ITPR2: variants seen among roughly 807,000 people sequenced by gnomAD.
ITPR2 encodes the protein inositol 1,4,5-trisphosphate-gated calcium channel ITPR2.
ITPR2 carries 207 observed loss-of-function variants against 317.1 expected under a neutral mutation model. The ratio of observed to expected loss-of-function variants is 0.65; its 90% CI spans 0.58 to 0.73. ITPR2 has a LOEUF of 0.73. Among genes scored for constraint, ITPR2 ranks in the 30% least tolerant of loss-of-function variants. The probability of loss-of-function intolerance (pLI) is 0.00; values close to 1 mark genes in which losing one functional copy is unlikely to be tolerated. For synonymous variants in ITPR2, 1,156 were observed against 1,149.1 expected (o/e 1.01, Z -0.12); for missense variants, 2,613 against 3,284.0 (o/e 0.80, Z 4.99).
intron 37 of ITPR2, among the ~76,000 whole-genome samples, chr12:26,529,692 GT>G (rs1290764452): frequency 1.3e-5 from 2 of 152,152 alleles, no homozygotes; most frequent in Non-Finnish European, 2.9e-5. Context: ...CTAAACTTCA[GT>G]TTTTCCATCT....
intron 1 of ITPR2, among the ~76,000 whole-genome samples, chr12:26,791,098 A>G (rs1950332384): frequency 6.6e-6 from 1 of 152,202 alleles, no homozygotes; most frequent in African/African-American, 2.4e-5. Flanking sequence ...CTACAACAAC[A>G]TGTTTAATCT....
chr12:26,514,105 T>A (rs567481909), intron 37 of ITPR2, among the ~76,000 whole-genome samples: 1 of 152,358 alleles, frequency 6.6e-6, no homozygotes, highest in Admixed American at 6.5e-5. Context: ...TCTTATTTTT[T>A]AATATTTTAT....
intron 2 of ITPR2, among the ~76,000 whole-genome samples, chr12:26,726,964 A>G (rs1357600656): frequency 1.3e-5 from 2 of 152,160 alleles, no homozygotes; most frequent in African/African-American, 4.8e-5. Context: ...TAGTAAACTA[A>G]TCTTAATTTC....
At chr12:26,561,720 A>T in intron 35 of ITPR2, 42 bp downstream of exon 35, 1 of 1,396,764 alleles carries the variant, frequency 7.2e-7, no homozygotes, top group Non-Finnish European at 9.5e-7. Flanking sequence ...TTTAAAAAAT[A>T]TAATTTAGAA....
At chr12:26,656,616 AT>A in intron 18 of ITPR2, 68 bp from the exon 19 acceptor site, 1 of 1,503,540 alleles carries the variant, frequency 6.7e-7, no homozygotes, top group Non-Finnish European at 9.1e-7. Context: ...CATAGTACCA[AT>A]CAGTATCTAT....
chr12:26,686,930 A>G (rs1948138388), intron 10 of ITPR2, among the ~76,000 whole-genome samples: 1 of 152,184 alleles, frequency 6.6e-6, no homozygotes, highest in Non-Finnish European at 1.5e-5. Flanking sequence ...TTTACAAAGT[A>G]GTAATTTTGA....
At chr12:26,567,340 A>G (rs996480383) in intron 34 of ITPR2, among the ~76,000 whole-genome samples, 16 of 152,190 alleles carry the variant, frequency 1.1e-4, no homozygotes, top group African/African-American at 3.6e-4. Context: ...GATGGAACAC[A>G]TTCTTCTATA....
chr12:26,661,144 T>C lies in ITPR2; in HGVS notation c.1714-1859A>G, dbSNP rs1004740410. On this transcript the variant is annotated intron_variant, in intron 15 of 56. Transcript: ENST00000381340. Reference sequence around the variant, plus strand: ...AAAATAAAATATAACCCTTAACAAATGCTGGGGATTCTTTATTCCTTTATC... The same window carrying C: ...AAAATAAAATATAACCCTTAACAAACGCTGGGGATTCTTTATTCCTTTATC... Among the ~76,000 whole-genome samples, 7 of 151,676 alleles carry C rather than the reference T, an allele frequency of 4.6e-5. No individual in the cohort carries two copies. The South Asian group carries it at 1.5e-3, about 32-fold the overall frequency.
At chr12:26,475,967 G>A (rs951668136) in intron 44 of ITPR2, among the ~76,000 whole-genome samples, 2 of 152,182 alleles carry the variant, frequency 1.3e-5, no homozygotes, top group African/African-American at 4.8e-5. Flanking sequence ...GAATAAAGGT[G>A]TTGTTCACAG....
chr12:26,500,434 C>A (rs1185330368), intron 37 of ITPR2, among the ~76,000 whole-genome samples: 1 of 152,184 alleles, frequency 6.6e-6, no homozygotes, highest in Non-Finnish European at 1.5e-5. Flanking sequence ...TCCTGATGCA[C>A]CTCCCATGGA....
At chr12:26,514,216 T>C (rs901219291) in intron 37 of ITPR2, among the ~76,000 whole-genome samples, 8 of 152,156 alleles carry the variant, frequency 5.3e-5, no homozygotes, top group African/African-American at 1.7e-4. Context: ...AGAAAGAGTT[T>C]AGAAAAAGGG....
intron 32 of ITPR2, among the ~76,000 whole-genome samples, chr12:26,595,173 T>C (rs35265483): frequency 0.26 from 39,397 of 152,060 alleles, 5,965 homozygotes; most frequent in Non-Finnish European, 0.35. Flanking sequence ...ATATCTTCTC[T>C]AACCAATATA....
intron 53 of ITPR2, among the ~76,000 whole-genome samples, chr12:26,399,426 T>C (rs1175103604): frequency 6.6e-6 from 1 of 152,250 alleles, no homozygotes; most frequent in Non-Finnish European, 1.5e-5. Context: ...ACCTAATGAC[T>C]TGTCAATTTC....
At chr12:26,463,567 A>G (rs1942094641) in intron 45 of ITPR2, among the ~76,000 whole-genome samples, 1 of 152,198 alleles carries the variant, frequency 6.6e-6, no homozygotes, top group African/African-American at 2.4e-5. Flanking sequence ...CGGGAGGCTG[A>G]GGCAGGAGAA....
At chr12:26,558,221 A>T in intron 35 of ITPR2, among the ~76,000 whole-genome samples, 1 of 152,208 alleles carries the variant, frequency 6.6e-6, no homozygotes, top group East Asian at 1.9e-4. Flanking sequence ...CCTGTTGTTT[A>T]GATTACCTCT....
intron 34 of ITPR2, among the ~76,000 whole-genome samples, chr12:26,570,711 T>G (rs1945136905): frequency 6.6e-6 from 1 of 152,242 alleles, no homozygotes; most frequent in Non-Finnish European, 1.5e-5. Context: ...AACAAAATTC[T>G]TTTTTAAGAG....
Position 26,521,150 on chromosome 12 carries a change from G to A in ITPR2, c.5074-25890C>T, listed in dbSNP as rs1248141750. Reference sequence around the variant, plus strand: ...ATGCTGATTTATTTTATTACCTGAAGATATTTTTTGGGAGGTGGTGCATTT... The same window carrying A: ...ATGCTGATTTATTTTATTACCTGAAAATATTTTTTGGGAGGTGGTGCATTT... On this transcript the variant is annotated intron_variant, in intron 37 of 56. Coordinates refer to ENST00000381340, the MANE Select transcript of ITPR2 (RefSeq NM_002223.4). Among the ~76,000 whole-genome samples, 5 of 152,080 alleles carry A rather than the reference G, an allele frequency of 3.3e-5. No homozygotes were observed. The East Asian group carries it at 9.6e-4, about 29-fold the overall frequency.
chr12:26,569,801 A>G (rs559444954), intron 34 of ITPR2, among the ~76,000 whole-genome samples: 2 of 152,194 alleles, frequency 1.3e-5, no homozygotes, highest in Non-Finnish European at 2.9e-5. Flanking sequence ...AAGGTTGGCA[A>G]AAATCTAACG....
At chr12:26,475,525 A>C (rs75363018) in intron 44 of ITPR2, 107 bp from the exon 45 acceptor site, 37,853 of 1,165,458 alleles carry the variant, frequency 0.032, 743 homozygotes, top group Middle Eastern at 0.068. Flanking sequence ...CAAAAGTATA[A>C]AAGGACTCTA....
Sources: allele counts gnomAD v4.1 joint callset (sites outside exome capture counted in the v4.1 genomes callset), GRCh38; gene constraint gnomAD v4.1.1; transcripts MANE v1.5; gene names NCBI Gene and HGNC (gene_info 2026-07-23, HGNC 2026-07-21).